SDCCAG8: variants seen among roughly 807,000 people sequenced by gnomAD.
SDCCAG8 encodes the protein serologically defined colon cancer antigen 8.
In SDCCAG8, 74 loss-of-function variants were observed where a neutral mutation model predicts 101.8. That is an observed-to-expected ratio of 0.73 (90% CI 0.60 to 0.88). The LOEUF (loss-of-function observed/expected upper bound fraction) is 0.88. Ranked by LOEUF, SDCCAG8 falls within the 40% of genes least tolerant of loss-of-function variation. The probability of loss-of-function intolerance (pLI) is 0.00; values close to 1 mark genes in which losing one functional copy is unlikely to be tolerated. For synonymous variants in SDCCAG8, 281 were observed against 292.9 expected (o/e 0.96, Z 0.41); for missense variants, 787 against 822.6 (o/e 0.96, Z 0.53).
chr1:243,318,549 C>A, intron 9 of SDCCAG8: 1 of 985,180 alleles, frequency 1.0e-6, no homozygotes. Flanking sequence ...CTGCATTAAG[C>A]CTCTTGTCAG....
rs2074975022 is a variant in SDCCAG8 at position 243,335,918 on chromosome 1, A to T, written c.1222-5121A>T. 2.0e-5 allele frequency among the ~76,000 whole-genome samples: 3 copies of T among 152,172 alleles called. No homozygotes were observed. The South Asian group carries it at 6.2e-4, about 32-fold the overall frequency. On this transcript the variant is annotated intron_variant, in intron 10 of 17. Coordinates refer to ENST00000366541, the MANE Select transcript of SDCCAG8 (RefSeq NM_006642.5). ...GGATTTTCTGTTCCTGCGTTAATTC[A>T]CTTAGGACTACGGCCTCCACTTGCG...
chr1:243,326,066 G>A (rs373559768), intron 9 of SDCCAG8, among the ~76,000 whole-genome samples: 7 of 152,110 alleles, frequency 4.6e-5, no homozygotes, highest in African/African-American at 1.7e-4. Flanking sequence ...ACAGGCTGTG[G>A]CATGAAGTTA....
chr1:243,405,018 A>G (rs56133851), intron 13 of SDCCAG8, among the ~76,000 whole-genome samples: 2,594 of 152,084 alleles, frequency 0.017, 39 homozygotes, highest in South Asian at 0.034. Flanking sequence ...AGGCATGCAC[A>G]CCATGCCCAG....
Position 243,316,898 on chromosome 1 carries a change from G to A in SDCCAG8, c.1068+5G>A. The stretch of plus-strand genomic sequence containing the variant: ...GCCAATTTTGAAAAAACCAAGGCAA[G>A]TCTAATAAGATGCAAATAAAAGTGT... On this transcript the variant is annotated splice_donor_5th_base_variant and intron_variant, in intron 9 of 17. Transcript: ENST00000366541. 1 of 1,613,628 alleles carries A rather than the reference G, an allele frequency of 6.2e-7. No homozygotes were observed. Among genetic ancestry groups the A allele is most frequent in the Non-Finnish European group, 8.5e-7 (1 of 1,179,764 alleles).
chr1:243,354,396 C>T (rs558227665), intron 12 of SDCCAG8, among the ~76,000 whole-genome samples: 2 of 152,276 alleles, frequency 1.3e-5, no homozygotes, highest in African/African-American at 4.8e-5. Flanking sequence ...CAATTTTAGA[C>T]ATTTTCGTTA....
chr1:243,386,768 T>TGAAC (rs1553336963), intron 13 of SDCCAG8, among the ~76,000 whole-genome samples: 14 of 143,374 alleles, frequency 9.8e-5, no homozygotes, highest in Non-Finnish European at 4.6e-5. Flanking sequence ...AGAAAGAAAG[T>TGAAC]GAGAGAGAGA....
chr1:243,404,905 C>T (rs548494454), intron 13 of SDCCAG8, among the ~76,000 whole-genome samples: 12 of 147,742 alleles, frequency 8.1e-5, no homozygotes, highest in African/African-American at 2.8e-4. Context: ...CTTACCCTGT[C>T]GCCCAGGCTG....
chr1:243,313,515 A>G (rs2072953951), intron 8 of SDCCAG8, among the ~76,000 whole-genome samples: 1 of 152,220 alleles, frequency 6.6e-6, no homozygotes, highest in South Asian at 2.1e-4. Context: ...AACACTCATG[A>G]TCTTTACGTC....
At chr1:243,283,607 G>A (rs897714883) in intron 4 of SDCCAG8, among the ~76,000 whole-genome samples, 5 of 151,790 alleles carry the variant, frequency 3.3e-5, no homozygotes, top group African/African-American at 1.2e-4. Context: ...CACTCTTCAT[G>A]TCTGTTAATA....
intron 12 of SDCCAG8, among the ~76,000 whole-genome samples, chr1:243,372,924 A>C (rs2077377749): frequency 6.9e-6 from 1 of 145,718 alleles, no homozygotes; most frequent in Non-Finnish European, 1.5e-5. Flanking sequence ...CTATATCTAT[A>C]TCTATATCTA....
At chr1:243,488,274 T>G (rs2148262087) in intron 16 of SDCCAG8, 1 of 152,654 alleles carries the variant, frequency 6.6e-6, no homozygotes, top group Middle Eastern at 3.4e-3. Flanking sequence ...TTAATGGCCT[T>G]TTCCTTGTGA....
chr1:243,372,897 C>CATATCT (rs71981276), intron 12 of SDCCAG8, among the ~76,000 whole-genome samples: 10,374 of 138,430 alleles, frequency 0.075, 469 homozygotes, highest in East Asian at 0.16. Context: ...ACTTGGGAAC[C>CATATCT]ATATCTATAT....
At position 243,474,892 on chromosome 1, in the gene SDCCAG8, C is replaced by G. The variant is rs890835264; in HGVS notation, c.1986-14122C>G. ...GCATTTTATTGGCAGCATTTAGAAT[C>G]GGGGAAAAATCTACCTTCTGTTTAG... is the stretch of plus-strand genomic sequence containing the variant. On this transcript the variant is annotated intron_variant, in intron 16 of 17. Transcript: ENST00000366541. The surrounding 1 kb of genome is among the most constrained non-coding windows in gnomAD (Gnocchi z 4.7). Among the ~76,000 whole-genome samples the G allele has an allele frequency of 6.6e-6, 1 of 152,176 alleles. No homozygotes were observed. The highest frequency in any genetic ancestry group is 6.5e-5 in the Admixed American group (1 of 15,288).
chr1:243,349,728 A>C (rs540408448), intron 12 of SDCCAG8, among the ~76,000 whole-genome samples: 49 of 152,216 alleles, frequency 3.2e-4, no homozygotes, highest in African/African-American at 1.1e-3. Context: ...AGTGGCTTGG[A>C]TGGGAGTGTA....
chr1:243,316,963 G>A lies in SDCCAG8; in HGVS notation c.1068+70G>A, dbSNP rs2073304129. On this transcript the variant is annotated intron_variant, in intron 9 of 17. Coordinates refer to ENST00000366541, the MANE Select transcript of SDCCAG8 (RefSeq NM_006642.5). ...TCTTTTTTCTTCTGAGTATTTATTT[G>A]GTTATTCTTCTATAACTAAACTTTG... 4 of 1,478,822 alleles carry A rather than the reference G, an allele frequency of 2.7e-6. No homozygotes were observed. The South Asian group carries it at 3.6e-5, about 13-fold the overall frequency. The allele number at this position is 1,478,822 out of a possible 1,614,324, so 91.6% of individuals were successfully genotyped here. A position where few individuals can be genotyped will look rare whatever the true frequency, so the allele number is the denominator to read the frequency against.
chr1:243,310,083 C>T (rs549215851), intron 8 of SDCCAG8, among the ~76,000 whole-genome samples: 1 of 152,102 alleles, frequency 6.6e-6, no homozygotes, highest in African/African-American at 2.4e-5. Context: ...AGGATGGTCT[C>T]GATCTCTTGA....
chr1:243,480,522 GGGAT>G (rs762895183), intron 16 of SDCCAG8, among the ~76,000 whole-genome samples: 1,049 of 22,276 alleles, frequency 0.047, 310 homozygotes, highest in Middle Eastern at 0.18. Flanking sequence ...TGGGATGGGT[GGGAT>G]GGATGGATGG....
intron 13 of SDCCAG8, among the ~76,000 whole-genome samples, chr1:243,389,409 A>G (rs552402069): frequency 4.6e-5 from 7 of 152,316 alleles, no homozygotes; most frequent in Admixed American, 4.6e-4. Context: ...TCTAGCATGC[A>G]CATGTATTGT....
chr1:243,324,866 A>G (rs1220998251), intron 9 of SDCCAG8, among the ~76,000 whole-genome samples: 2 of 151,972 alleles, frequency 1.3e-5, no homozygotes, highest in Non-Finnish European at 2.9e-5. Flanking sequence ...TGTCACCTTC[A>G]CTGTTTCCAG....
Sources: allele counts gnomAD v4.1 joint callset (sites outside exome capture counted in the v4.1 genomes callset), GRCh38; gene constraint gnomAD v4.1.1; non-coding constraint Gnocchi (gnomAD v3.1); transcripts MANE v1.5; gene names NCBI Gene and HGNC (gene_info 2026-07-23, HGNC 2026-07-21).